The following HS2ST1 variants were observed in gnomAD, a reference collection of about 807,000 sequenced individuals.
HS2ST1 encodes the protein heparan sulfate 2-O-sulfotransferase 1, also known as 2-O-sulfotransferase.
A neutral mutation model predicts 42.9 loss-of-function variants in HS2ST1; 18 were observed. The ratio of observed to expected loss-of-function variants is 0.42; its 90% confidence interval spans 0.29 to 0.62. The LOEUF is 0.62. Among genes scored for constraint, HS2ST1 ranks in the 20% least tolerant of loss-of-function variants. The pLI is 0.21. For synonymous variants in HS2ST1, 146 were observed against 152.9 expected, an observed-to-expected ratio of 0.95 and a Z score of 0.33; for missense variants, 334 against 433.8, an observed-to-expected ratio of 0.77 and a Z score of 2.04.
chr1:86,977,667 C>T (rs1325665138), intron 1 of HS2ST1, among the ~76,000 whole-genome samples: 1 of 152,204 alleles, frequency 6.6e-6, no homozygotes, highest in Non-Finnish European at 1.5e-5. Context: ...GGACTTTTAA[C>T]CTCAAGCCCA....
At chr1:86,958,593 C>T (rs568891330) in intron 1 of HS2ST1, 7 of 152,268 alleles carry the variant, frequency 4.6e-5, no homozygotes, top group Admixed American at 6.5e-5. Flanking sequence ...CATATTATTA[C>T]CTACATTTCT....
At chr1:86,983,919 A>G (rs1314134289) in intron 1 of HS2ST1, among the ~76,000 whole-genome samples, 2 of 152,066 alleles carry the variant, frequency 1.3e-5, no homozygotes, top group African/African-American at 4.8e-5. Flanking sequence ...GGGCGCCTCT[A>G]ATCCCAGCTA....
intron 1 of HS2ST1, among the ~76,000 whole-genome samples, chr1:87,056,541 AAATG>A (rs1267918435): frequency 6.6e-6 from 1 of 152,208 alleles, no homozygotes; most frequent in Non-Finnish European, 1.5e-5. Context: ...ATTTTCTCAA[AAATG>A]AATGAAGTGA....
intron 1 of HS2ST1, among the ~76,000 whole-genome samples, chr1:86,998,268 C>A (rs768165393): frequency 1.3e-5 from 2 of 152,194 alleles, no homozygotes; most frequent in Non-Finnish European, 2.9e-5. Flanking sequence ...ACATTTAATG[C>A]ATGACCAAAT....
At chr1:87,090,993 C>G (rs2100649135) in intron 3 of HS2ST1, among the ~76,000 whole-genome samples, 1 of 152,096 alleles carries the variant, frequency 6.6e-6, no homozygotes, top group Non-Finnish European at 1.5e-5. Flanking sequence ...CCCTCACCTC[C>G]CTAGCACTCC....
At chr1:87,047,160 A>G (rs1169968238) in intron 1 of HS2ST1, among the ~76,000 whole-genome samples, 3 of 152,110 alleles carry the variant, frequency 2.0e-5, no homozygotes, top group Non-Finnish European at 4.4e-5. Flanking sequence ...ATTCTTACAA[A>G]TTTTTGTGTT....
chr1:86,991,701 T>C (rs1356928623), intron 1 of HS2ST1, among the ~76,000 whole-genome samples: 1 of 152,188 alleles, frequency 6.6e-6, no homozygotes, highest in Non-Finnish European at 1.5e-5. Context: ...GCTTAAACTT[T>C]CCAAGGCTCT....
chr1:87,021,184 AGGT>A (rs1258465228), intron 1 of HS2ST1, among the ~76,000 whole-genome samples: 2 of 152,148 alleles, frequency 1.3e-5, no homozygotes, highest in African/African-American at 4.8e-5. Context: ...CTTGTCCTTC[AGGT>A]GTGTTTCTCA....
intron 1 of HS2ST1, among the ~76,000 whole-genome samples, chr1:86,933,265 GT>G (rs1471909409): frequency 1.3e-5 from 2 of 152,050 alleles, no homozygotes; most frequent in African/African-American, 4.8e-5. Context: ...TATTTCTTCT[GT>G]TTCTTTTCTC....
intron 1 of HS2ST1, among the ~76,000 whole-genome samples, chr1:86,983,504 T>C (rs1221600384): frequency 6.6e-6 from 1 of 152,138 alleles, no homozygotes. Context: ...ACCACCCTTA[T>C]GATCCAATCA....
chr1:87,058,741 G>T (rs1282581771), intron 1 of HS2ST1, among the ~76,000 whole-genome samples: 2 of 151,522 alleles, frequency 1.3e-5, no homozygotes, highest in Non-Finnish European at 2.9e-5. Flanking sequence ...ATTATTGCAA[G>T]AATTAGGTGA....
At chr1:87,005,581 A>G (rs1649415377) in intron 1 of HS2ST1, among the ~76,000 whole-genome samples, 1 of 152,176 alleles carries the variant, frequency 6.6e-6, no homozygotes, top group African/African-American at 2.4e-5. Flanking sequence ...TCAATAATTA[A>G]TGATTAAATG....
intron 1 of HS2ST1, among the ~76,000 whole-genome samples, chr1:87,016,908 T>C (rs567188755): frequency 6.6e-6 from 1 of 152,204 alleles, no homozygotes; most frequent in East Asian, 1.9e-4. Flanking sequence ...GGTCAATTTT[T>C]ATGACATTTT....
chr1:86,968,793 A>AT (rs1231579217), intron 1 of HS2ST1, among the ~76,000 whole-genome samples: 1 of 152,178 alleles, frequency 6.6e-6, no homozygotes, highest in Non-Finnish European at 1.5e-5. Flanking sequence ...TAAAAAAAAA[A>AT]GCTTCATGCT....
chr1:86,917,001 A>T (rs545191597), intron 1 of HS2ST1, among the ~76,000 whole-genome samples: 1 of 152,178 alleles, frequency 6.6e-6, no homozygotes, highest in Non-Finnish European at 1.5e-5. Context: ...AAGATGTATA[A>T]TGCCACAGTT....
chr1:87,103,363 G>A (rs995828409), intron 5 of HS2ST1, 69 bp from the exon 6 acceptor site: 2 of 1,373,024 alleles, frequency 1.5e-6, no homozygotes, highest in African/African-American at 1.5e-5. Context: ...GTAATATATG[G>A]TGTCAAAGGC....
At chr1:86,938,395 T>G (rs1660697179) in intron 1 of HS2ST1, among the ~76,000 whole-genome samples, 1 of 152,176 alleles carries the variant, frequency 6.6e-6, no homozygotes, top group African/African-American at 2.4e-5. Context: ...TCCCAATACT[T>G]ACAATGTCAG....
intron 1 of HS2ST1, among the ~76,000 whole-genome samples, chr1:86,961,702 C>T (rs1972394): frequency 0.76 from 115,531 of 152,002 alleles, 44,661 homozygotes; most frequent in East Asian, 0.97. Context: ...ACAGCTCTTT[C>T]TAGTTTCAAA....
intron 1 of HS2ST1, among the ~76,000 whole-genome samples, chr1:86,929,270 GC>G (rs1660490649): frequency 6.6e-6 from 1 of 151,734 alleles, no homozygotes; most frequent in South Asian, 2.1e-4. Flanking sequence ...ATAGTCTACA[GC>G]CTACATTTTT....
Sources: allele counts gnomAD v4.1 joint callset (sites outside exome capture counted in the v4.1 genomes callset), GRCh38; gene constraint gnomAD v4.1.1; transcripts MANE v1.5; gene names NCBI Gene and HGNC (gene_info 2026-07-23, HGNC 2026-07-21).